FLACC1: variants seen among roughly 807,000 people sequenced by gnomAD.
FLACC1 encodes the protein flagellum associated containing coiled-coil domains 1, also known as flagellum-associated coiled-coil domain-containing protein 1.
Under a neutral mutation model 62.8 loss-of-function variants are expected in FLACC1, and 66 were observed. The ratio of observed to expected loss-of-function variants is 1.05; its 90% CI spans 0.86 to 1.29. The LOEUF is 1.29. Ranked by LOEUF, FLACC1 falls within the 50% of genes most tolerant of loss-of-function variation. The probability of loss-of-function intolerance (pLI) is 0.00; values close to 1 mark genes in which losing one functional copy is unlikely to be tolerated. For missense variants in FLACC1, 452 were observed against 489.1 expected (o/e 0.92, Z 0.71); for synonymous variants, 156 against 161.0 (o/e 0.97, Z 0.24).
intron 1 of FLACC1, among the ~76,000 whole-genome samples, chr2:201,355,105 C>T (rs1012446232): frequency 2.6e-5 from 4 of 152,048 alleles, no homozygotes; most frequent in South Asian, 2.1e-4. Flanking sequence ...GCCAACAGGG[C>T]GAAACCCCGT....
At chr2:201,360,111 G>T (rs996508122), upstream of FLACC1, among the ~76,000 whole-genome samples, 1 of 152,170 alleles carries the variant, frequency 6.6e-6, no homozygotes, top group Non-Finnish European at 1.5e-5. Flanking sequence ...TTGGACATGA[G>T]TAAAGCTTCG....
chr2:201,309,815 G>A (rs1576430669), intron 9 of FLACC1, among the ~76,000 whole-genome samples: 1 of 148,936 alleles, frequency 6.7e-6, no homozygotes, highest in East Asian at 2.0e-4. Flanking sequence ...GCTGAGGCAG[G>A]AGACTCGCTT....
rs1033654060 is a variant in FLACC1, at chr2:201,299,317, T to G, written c.880-17A>C. On this transcript the variant is annotated splice_polypyrimidine_tract_variant and intron_variant, in intron 11 of 14. Coordinates refer to ENST00000392257, the MANE Select transcript of FLACC1 (RefSeq NM_001127391.3). ...CAAGAGCTCCTAAAAACAATTTTATTGGGAAAAGGTTAGCACTGTGGTTCT... is the reference window on the plus strand; with the variant it reads ...CAAGAGCTCCTAAAAACAATTTTATGGGGAAAAGGTTAGCACTGTGGTTCT... 8.7e-6 allele frequency: 14 copies of G among 1,611,264 alleles called. No homozygotes were observed. The Admixed American group carries it at 1.3e-4, about 15-fold the overall frequency.
chr2:201,297,170 T>C (rs562674869), intron 12 of FLACC1, among the ~76,000 whole-genome samples: 1 of 152,280 alleles, frequency 6.6e-6, no homozygotes, highest in East Asian at 1.9e-4. Context: ...GAACTGGGCA[T>C]GTTAATTTTG....
At chr2:201,327,852 T>G (rs1426766606) in intron 9 of FLACC1, among the ~76,000 whole-genome samples, 1 of 152,188 alleles carries the variant, frequency 6.6e-6, no homozygotes, top group Non-Finnish European at 1.5e-5. Flanking sequence ...AAAAGACACT[T>G]GTACACGTAT....
At chr2:201,313,239 G>C (rs958405754) in intron 9 of FLACC1, among the ~76,000 whole-genome samples, 1 of 152,152 alleles carries the variant, frequency 6.6e-6, no homozygotes, top group East Asian at 1.9e-4. Context: ...GCATGAATCT[G>C]GTGTGCAGAC....
At chr2:201,304,742 C>A (rs1220917249) in intron 11 of FLACC1, among the ~76,000 whole-genome samples, 2 of 152,090 alleles carry the variant, frequency 1.3e-5, no homozygotes, top group Non-Finnish European at 2.9e-5. Flanking sequence ...TAGATATAGA[C>A]CAATGGAACA....
chr2:201,329,595 G>A (rs546070506), intron 9 of FLACC1, among the ~76,000 whole-genome samples: 1 of 152,156 alleles, frequency 6.6e-6, no homozygotes, highest in South Asian at 2.1e-4. Context: ...ATATACCATG[G>A]AATACTATGC....
intron 11 of FLACC1, among the ~76,000 whole-genome samples, chr2:201,302,148 T>G (rs913682692): frequency 6.6e-6 from 1 of 151,164 alleles, no homozygotes; most frequent in Middle Eastern, 3.4e-3. Context: ...GCAAATTGGA[T>G]AGTCAAGACC....
upstream of FLACC1, among the ~76,000 whole-genome samples, chr2:201,362,037 T>G (rs1345124203): frequency 2.0e-5 from 3 of 152,216 alleles, no homozygotes; most frequent in Non-Finnish European, 4.4e-5. Flanking sequence ...TTTTGGCCCT[T>G]AACTCATAAA....
rs71022362 is a variant in FLACC1, at chr2:201,323,784, CAA to C, written c.675+6684_675+6685del. ...CCTGGGCAACAGAGCCAGACTCTAT[CAA>C]AAAAAAAAAAAAAAAAAGTAAGGAA... On this transcript the variant is annotated intron_variant, in intron 9 of 14. Coordinates refer to ENST00000392257, the MANE Select transcript of FLACC1 (RefSeq NM_001127391.3). Among the ~76,000 whole-genome samples the C allele has an allele frequency of 3.2e-3, 168 of 52,750 alleles. 3 individuals are homozygous for C. Among genetic ancestry groups the C allele is most frequent in the Middle Eastern group, 0.012 (1 of 82 alleles). 34.6% of individuals were successfully genotyped at this position (52,750 alleles called of 152,430 possible). A position where few individuals can be genotyped will look rare whatever the true frequency, so the allele number is the denominator to read the frequency against.
At chr2:201,361,440 G>A (rs571922630), upstream of FLACC1, among the ~76,000 whole-genome samples, 45 of 152,348 alleles carry the variant, frequency 3.0e-4, no homozygotes, top group African/African-American at 1.0e-3. Context: ...CAGTGGTGCT[G>A]AGCACCCATT....
In FLACC1 at chr2:201,346,902, C is replaced by T. The variant is rs1022561206; in HGVS notation, c.235-227G>A. On this transcript the variant is annotated intron_variant, in intron 4 of 14. Transcript: ENST00000392257. The surrounding 1 kb of genome is among the most constrained non-coding windows in gnomAD (Gnocchi z 4.0). ...CCCTAGGGGCCTCTCAAGCTCTGCG[C>T]CAAACCAAGCCACTGATGCCCCTGC... 1.3e-5 allele frequency among the ~76,000 whole-genome samples: 2 copies of T among 152,168 alleles called. No homozygotes were observed. Among genetic ancestry groups the T allele is most frequent in the South Asian group, 2.1e-4 (1 of 4,832 alleles).
intron 11 of FLACC1, among the ~76,000 whole-genome samples, chr2:201,299,814 A>C (rs997975571): frequency 6.6e-6 from 1 of 152,228 alleles, no homozygotes; most frequent in Non-Finnish European, 1.5e-5. Context: ...GTATGGAAAA[A>C]TAGTCAAACA....
intron 11 of FLACC1, among the ~76,000 whole-genome samples, chr2:201,304,868 C>T (rs1950068627): frequency 6.6e-6 from 1 of 152,174 alleles, no homozygotes; most frequent in Admixed American, 6.5e-5. Flanking sequence ...GCTTGGAAAA[C>T]TGGCTAGCCA....
At chr2:201,329,622 A>T (rs1296132351) in intron 9 of FLACC1, among the ~76,000 whole-genome samples, 1 of 152,220 alleles carries the variant, frequency 6.6e-6, no homozygotes, top group Non-Finnish European at 1.5e-5. Context: ...AAAAAAGAAC[A>T]AAATCATGTC....
intron 11 of FLACC1, among the ~76,000 whole-genome samples, chr2:201,305,627 A>T (rs1950086976): frequency 6.6e-6 from 1 of 152,212 alleles, no homozygotes; most frequent in South Asian, 2.1e-4. Context: ...ATAAAGACAC[A>T]TGCACACGTA....
intron 9 of FLACC1, among the ~76,000 whole-genome samples, chr2:201,322,141 C>T (rs1426823255): frequency 1.3e-5 from 2 of 151,632 alleles, no homozygotes; most frequent in Non-Finnish European, 2.9e-5. Flanking sequence ...TGGTGGCAGG[C>T]ACCTGTAATC....
chr2:201,354,637 G>T (rs1028063090), intron 1 of FLACC1, among the ~76,000 whole-genome samples: 19 of 152,138 alleles, frequency 1.2e-4, no homozygotes, highest in Non-Finnish European at 2.5e-4. Context: ...TGCTACAAGG[G>T]GCTGGAATTC....
Sources: allele counts gnomAD v4.1 joint callset (sites outside exome capture counted in the v4.1 genomes callset), GRCh38; gene constraint gnomAD v4.1.1; non-coding constraint Gnocchi (gnomAD v3.1); transcripts MANE v1.5; gene names NCBI Gene and HGNC (gene_info 2026-07-23, HGNC 2026-07-21).